The following F5 variants were observed in gnomAD, a reference collection of about 807,000 sequenced individuals.
The protein encoded by F5 is coagulation factor V, also known as activated protein c cofactor.
A neutral mutation model predicts 216.4 loss-of-function variants in F5; 138 were observed. The ratio of observed to expected loss-of-function variants is 0.64; its 90% CI spans 0.56 to 0.73. The LOEUF is 0.73. Among genes scored for constraint, F5 ranks in the 30% least tolerant of loss-of-function variants. The probability of loss-of-function intolerance (pLI) is 0.00; values close to 1 mark genes in which losing one functional copy is unlikely to be tolerated. For synonymous variants in F5, 916 were observed against 930.7 expected, an observed-to-expected ratio of 0.98 and a Z score of 0.29; for missense variants, 2,403 against 2,674.0, an observed-to-expected ratio of 0.90 and a Z score of 2.24.
In F5 at chr1:169,531,150, T is replaced by C. The variant is rs546651602; in HGVS notation, c.4972-128A>G. The C allele has an allele frequency of 1.7e-4, 122 of 709,884 alleles. 1 individual carries two copies. The highest frequency in any genetic ancestry group is 1.4e-3 in the Middle Eastern group (4 of 2,886). 44.0% of individuals were successfully genotyped at this position (709,884 alleles called of 1,614,324 possible). ...CTAAGATATAAGGTACAAAATAACT[T>C]ATGTATATTATTTCATTTAATTTTC... On this transcript the variant is annotated intron_variant, in intron 14 of 24. Coordinates refer to ENST00000367797, the MANE Select transcript of F5 (RefSeq NM_000130.5).
At chr1:169,577,809 C>A (rs183847863) in intron 2 of F5, among the ~76,000 whole-genome samples, 1 of 151,642 alleles carries the variant, frequency 6.6e-6, no homozygotes, top group Non-Finnish European at 1.5e-5. Context: ...CTCACCTGCC[C>A]AAATGTCCAC....
intron 2 of F5, among the ~76,000 whole-genome samples, chr1:169,575,509 C>G (rs375433520): frequency 6.6e-6 from 1 of 151,872 alleles, no homozygotes; most frequent in African/African-American, 2.4e-5. Flanking sequence ...AGGATGATCT[C>G]GGAGGAGACT....
chr1:169,528,199 T>A (rs1243224682), intron 16 of F5, 105 bp from the exon 17 acceptor site: 1 of 1,416,442 alleles, frequency 7.1e-7, no homozygotes, highest in Non-Finnish European at 9.8e-7. Context: ...TTCCTCATGA[T>A]TCTGCATTCC....
At chr1:169,563,218 G>A (rs1270945365) in intron 3 of F5, among the ~76,000 whole-genome samples, 1 of 151,938 alleles carries the variant, frequency 6.6e-6, no homozygotes, top group Admixed American at 6.6e-5. Context: ...CCCTGTATGT[G>A]GTGTGTGTTT....
chr1:169,558,788 C>T lies in F5; in HGVS notation c.730+365G>A, dbSNP rs554649146. ...ATTACTCCTAATCTGTTCATCTTTACTGCAATCTTCCTGCTGATCCTTCCT... is the reference window on the plus strand; with the variant it reads ...ATTACTCCTAATCTGTTCATCTTTATTGCAATCTTCCTGCTGATCCTTCCT... On this transcript the variant is annotated intron_variant, in intron 5 of 24. Coordinates refer to ENST00000367797, the MANE Select transcript of F5 (RefSeq NM_000130.5). Among the ~76,000 whole-genome samples, 25 of 152,246 alleles carry T rather than the reference C, an allele frequency of 1.6e-4. 1 individual carries two copies. Among genetic ancestry groups the T allele is most frequent in the African/African-American group, 4.8e-4 (20 of 41,552 alleles).
At chr1:169,537,403 C>G (rs1467311546) in intron 13 of F5, among the ~76,000 whole-genome samples, 1 of 152,150 alleles carries the variant, frequency 6.6e-6, no homozygotes, top group African/African-American at 2.4e-5. Flanking sequence ...GTCCATTATT[C>G]TTAAGCTTCT....
intron 3 of F5, among the ~76,000 whole-genome samples, chr1:169,569,365 T>G (rs2298906): frequency 0.32 from 48,703 of 151,964 alleles, 10,319 homozygotes; most frequent in East Asian, 0.65. Context: ...GAACTAATTT[T>G]GTGACATCAC....
At chr1:169,526,068 T>C in intron 17 of F5, 51 bp from the exon 18 acceptor site, 1 of 1,252,370 alleles carries the variant, frequency 8.0e-7, no homozygotes, top group South Asian at 1.2e-5. Context: ...AAGTAAATAT[T>C]GTGGTTGATA....
In F5 at chr1:169,512,955, G is replaced by A. The variant is rs1659065234; in HGVS notation, c.*1358C>T. Among the ~76,000 whole-genome samples the A allele has an allele frequency of 6.6e-6, 1 of 152,012 alleles. No homozygotes were observed. The highest frequency in any genetic ancestry group is 6.6e-5 in the Admixed American group (1 of 15,250). The stretch of plus-strand genomic sequence containing the variant: ...AAAGCCCTGTCTCCTAGAGATTCTG[G>A]TATGTTGTCTCTTTGTTCTCATTGG... On this transcript the variant is annotated 3_prime_UTR_variant, in exon 25 of 25. Transcript: ENST00000367797.
Position 169,582,444 on chromosome 1 carries a change from T to C in F5, c.237A>G (p.Gln79=), listed in dbSNP as rs6028. The C allele has an allele frequency of 0.27, 408,412 of 1,507,572 alleles. 58,939 individuals are homozygous for C. Among genetic ancestry groups the C allele is most frequent in the Admixed American group, 0.39 (22,496 of 57,566 alleles). The allele number at this position is 1,507,572 out of a possible 1,614,324, so 93.4% of individuals were successfully genotyped here. A position where few individuals can be genotyped will look rare whatever the true frequency, so the allele number is the denominator to read the frequency against. Residue 79 remains glutamine, a synonymous_variant, in exon 2 of 25, where the codon CAA becomes CAG. Transcript: ENST00000367797. The part of the protein sequence containing the change: ...YEPYFKKEKP[Q]STISGLLGPT... ...TTTCAGGCTTACCTGAAATGGTAGA[T>C]TGTGGTTTTTCTTTCTTAAAATATG...
intron 19 of F5, among the ~76,000 whole-genome samples, chr1:169,524,239 G>T (rs1416987083): frequency 6.6e-6 from 1 of 152,212 alleles, no homozygotes; most frequent in Non-Finnish European, 1.5e-5. Context: ...TCTTGATCAT[G>T]ACCTCTTGAT....
intron 11 of F5, among the ~76,000 whole-genome samples, chr1:169,545,079 G>A (rs1271490198): frequency 6.6e-6 from 1 of 152,116 alleles, no homozygotes; most frequent in Admixed American, 6.6e-5. Context: ...AAAAACCAAA[G>A]GTATGATTTC....
intron 16 of F5, among the ~76,000 whole-genome samples, chr1:169,528,380 C>A (rs932220768): frequency 6.6e-6 from 1 of 152,186 alleles, no homozygotes; most frequent in African/African-American, 2.4e-5. Flanking sequence ...CAGTTCCGTG[C>A]TTTACCCGTG....
At chr1:169,550,573 T>G in intron 9 of F5, 67 bp downstream of exon 9, 1 of 1,199,210 alleles carries the variant, frequency 8.3e-7, no homozygotes, top group Non-Finnish European at 1.2e-6. Context: ...GCAAGGAGAA[T>G]AGCAGAAAAA....
At chr1:169,559,343 G>T (rs9332567) in intron 4 of F5, 47 bp from the exon 5 acceptor site, 1 of 1,598,806 alleles carries the variant, frequency 6.3e-7, no homozygotes, top group Non-Finnish European at 8.6e-7. Flanking sequence ...GATAGAAGAC[G>T]CTCATTAGCT....
intron 3 of F5, among the ~76,000 whole-genome samples, chr1:169,563,087 A>G (rs544407087): frequency 6.6e-6 from 1 of 152,160 alleles, no homozygotes; most frequent in East Asian, 1.9e-4. Context: ...CTTGGTATAG[A>G]ATACTAAACA....
chr1:169,546,900 C>T (rs1302656168), intron 10 of F5, among the ~76,000 whole-genome samples: 3 of 149,094 alleles, frequency 2.0e-5, no homozygotes, highest in Non-Finnish European at 4.4e-5. Context: ...GAGGCCAAGG[C>T]GGGTGGATCA....
In F5 at chr1:169,564,681, G is replaced by T. The variant is rs557474603; in HGVS notation, c.374-3915C>A. ...AAATATTTTTTTACATTACAGCAAT[G>T]TCAGCTTCCCTTCTTTAATTGTACC... On this transcript the variant is annotated intron_variant, in intron 3 of 24. Coordinates refer to ENST00000367797, the MANE Select transcript of F5 (RefSeq NM_000130.5). Among the ~76,000 whole-genome samples, 118 of 152,174 alleles carry T rather than the reference G, an allele frequency of 7.8e-4. 1 individual carries two copies. The highest frequency in any genetic ancestry group is 1.4e-3 in the Non-Finnish European group (93 of 67,984).
intron 12 of F5, 97 bp from the exon 13 acceptor site, chr1:169,543,211 T>G: frequency 8.5e-7 from 1 of 1,181,360 alleles, no homozygotes; most frequent in Non-Finnish European, 1.2e-6. Context: ...TAATAAACTT[T>G]CGTCAGGAAT....
Sources: gnomAD v4.1 joint callset for allele counts (sites outside exome capture counted in the v4.1 genomes callset) on GRCh38, gnomAD v4.1.1 for gene constraint, MANE v1.5 for transcripts, NCBI Gene and HGNC (gene_info 2026-07-23, HGNC 2026-07-21) for gene names.